Variants in MEF2A observed in about 807,000 individuals in gnomAD.
MEF2A encodes the protein myocyte enhancer factor 2A.
A neutral mutation model predicts 55.8 loss-of-function variants in MEF2A; 28 were observed. The observed-to-expected ratio is 0.50, with a 90% CI of 0.37 to 0.69. MEF2A has a LOEUF of 0.69. MEF2A is among the 30% of genes least tolerant of loss of function. The pLI, the probability that MEF2A is intolerant of heterozygous loss-of-function variation, is 0.00. For missense variants in MEF2A, 528 were observed against 626.2 expected (o/e 0.84, Z 1.67); for synonymous variants, 239 against 227.1 (o/e 1.05, Z -0.47).
chr15:99,621,418 C>T (rs1284021595), intron 2 of MEF2A, among the ~76,000 whole-genome samples: 6 of 151,308 alleles, frequency 4.0e-5, no homozygotes, highest in Admixed American at 2.6e-4. Context: ...ATGGATTTTT[C>T]AGGGGAAGCT....
chr15:99,603,719 G>C (rs1268444428), intron 2 of MEF2A, among the ~76,000 whole-genome samples: 1 of 152,074 alleles, frequency 6.6e-6, no homozygotes. Context: ...TAAATGTTTT[G>C]TGTGTACTTA....
Position 99,699,615 on chromosome 15 carries a change from A to G in MEF2A, c.859-3747A>G, listed in dbSNP as rs567863539. Among the ~76,000 whole-genome samples, 7 of 152,340 alleles carry G rather than the reference A, an allele frequency of 4.6e-5. No individual in the cohort carries two copies. The South Asian group carries it at 1.5e-3, about 32-fold the overall frequency. On this transcript the variant is annotated intron_variant, in intron 8 of 11. Transcript: ENST00000557942. ...TCACACATGAATATAACTTTATTAC[A>G]GATAAGTAACATGATATTGAAGGGG...
chr15:99,693,228 A>G (rs1366854616), intron 8 of MEF2A, among the ~76,000 whole-genome samples: 3 of 152,220 alleles, frequency 2.0e-5, no homozygotes, highest in Non-Finnish European at 4.4e-5. Flanking sequence ...TGAAATACAA[A>G]GAGAAAGAAG....
chr15:99,584,020 G>A (rs1306759497), intron 1 of MEF2A, among the ~76,000 whole-genome samples: 1 of 152,112 alleles, frequency 6.6e-6, no homozygotes, highest in Non-Finnish European at 1.5e-5. Context: ...TTTACAGCAT[G>A]TTACTCTGCT....
At chr15:99,685,879 G>T (rs922702359) in intron 7 of MEF2A, among the ~76,000 whole-genome samples, 1 of 152,130 alleles carries the variant, frequency 6.6e-6, no homozygotes. Context: ...GGTAAAATAA[G>T]ATTGGTACTA....
At chr15:99,628,999 G>A (rs541426969) in intron 2 of MEF2A, among the ~76,000 whole-genome samples, 30 of 140,040 alleles carry the variant, frequency 2.1e-4, no homozygotes, top group Non-Finnish European at 4.3e-4. Flanking sequence ...CAAAATTTTG[G>A]TTTGGCATTT....
At chr15:99,705,090 A>G (rs2057869087) in intron 9 of MEF2A, among the ~76,000 whole-genome samples, 1 of 152,244 alleles carries the variant, frequency 6.6e-6, no homozygotes, top group Admixed American at 6.5e-5. Context: ...AAAGTTGTTC[A>G]GCTTGCCTTG....
intron 4 of MEF2A, among the ~76,000 whole-genome samples, chr15:99,664,262 A>G (rs1181029630): frequency 2.6e-5 from 4 of 152,238 alleles, no homozygotes; most frequent in Admixed American, 1.3e-4. Context: ...ACCCATTTAA[A>G]GTAGCTCCAA....
intron 4 of MEF2A, among the ~76,000 whole-genome samples, chr15:99,669,495 C>G (rs1365879719): frequency 6.6e-6 from 1 of 152,150 alleles, no homozygotes; most frequent in Non-Finnish European, 1.5e-5. Context: ...CTTTAGTGCT[C>G]CCAACAACAG....
intron 1 of MEF2A, among the ~76,000 whole-genome samples, chr15:99,593,585 G>GT (rs1970104987): frequency 1.3e-5 from 2 of 152,164 alleles, no homozygotes; most frequent in African/African-American, 4.8e-5. Context: ...AATTTTGTGA[G>GT]TTTCATTTTG....
chr15:99,612,632 C>T (rs1438974166), intron 2 of MEF2A, among the ~76,000 whole-genome samples: 1 of 152,024 alleles, frequency 6.6e-6, no homozygotes, highest in Non-Finnish European at 1.5e-5. Context: ...GAGAGGGTTC[C>T]TTGAGCCTAG....
intron 1 of MEF2A, among the ~76,000 whole-genome samples, chr15:99,589,042 T>G (rs1050686535): frequency 2.6e-5 from 4 of 152,182 alleles, no homozygotes; most frequent in African/African-American, 9.7e-5. Flanking sequence ...TCCTCTTGCC[T>G]CATTTTGGTA....
intron 2 of MEF2A, among the ~76,000 whole-genome samples, chr15:99,601,025 G>A (rs1007542295): frequency 2.0e-5 from 3 of 152,078 alleles, no homozygotes; most frequent in Non-Finnish European, 2.9e-5. Context: ...TTATTAATGC[G>A]TGAGCTTGGT....
chr15:99,608,151 C>G (rs1975818749), intron 2 of MEF2A, among the ~76,000 whole-genome samples: 1 of 152,016 alleles, frequency 6.6e-6, no homozygotes, highest in Non-Finnish European at 1.5e-5. Flanking sequence ...ATCATATGTC[C>G]TGTTTAAGGA....
At chr15:99,663,551 G>A (rs974104969) in intron 4 of MEF2A, among the ~76,000 whole-genome samples, 2 of 151,464 alleles carry the variant, frequency 1.3e-5, no homozygotes, top group East Asian at 3.9e-4. Context: ...TATATTTTAT[G>A]TATAAAAGTT....
intron 1 of MEF2A, among the ~76,000 whole-genome samples, chr15:99,589,355 T>TA: frequency 6.6e-6 from 1 of 152,360 alleles, no homozygotes; most frequent in East Asian, 1.9e-4. Flanking sequence ...AGTATACTTT[T>TA]AATGTTTGCA....
intron 3 of MEF2A, among the ~76,000 whole-genome samples, chr15:99,642,390 T>G (rs2045179952): frequency 6.6e-6 from 1 of 152,166 alleles, no homozygotes; most frequent in South Asian, 2.1e-4. Flanking sequence ...TAATAAATAT[T>G]TTTCCTTTGC....
rs556372225 is a variant in MEF2A, at chr15:99,639,633, C to T, written c.55-5928C>T. Among the ~76,000 whole-genome samples, 17 of 152,246 alleles carry T rather than the reference C, an allele frequency of 1.1e-4. No homozygotes were observed. In the South Asian group the frequency reaches 3.5e-3, roughly 32 times the overall value. On this transcript the variant is annotated intron_variant, in intron 3 of 11. Coordinates refer to ENST00000557942, the MANE Select transcript of MEF2A (RefSeq NM_001319206.4). Reference sequence around the variant, plus strand: ...CTGAGTATGTCCATCATCAGCTTTACCATGTTTTCAAGTTGCTTTCCAAAG... The same window carrying T: ...CTGAGTATGTCCATCATCAGCTTTATCATGTTTTCAAGTTGCTTTCCAAAG...
At chr15:99,638,844 A>G (rs542571342) in intron 3 of MEF2A, among the ~76,000 whole-genome samples, 13 of 152,230 alleles carry the variant, frequency 8.5e-5, no homozygotes, top group South Asian at 8.3e-4. Context: ...GTGGTTTTTA[A>G]TGAGCCTTCA....
Sources: allele counts gnomAD v4.1 joint callset (sites outside exome capture counted in the v4.1 genomes callset), GRCh38; gene constraint gnomAD v4.1.1; transcripts MANE v1.5; gene names NCBI Gene and HGNC (gene_info 2026-07-23, HGNC 2026-07-21).